FAM118B: variants seen among roughly 807,000 people sequenced by gnomAD.
The protein encoded by FAM118B is protein FAM118B.
FAM118B carries 24 observed loss-of-function variants against 38.5 expected under a neutral mutation model. That is an observed-to-expected ratio of 0.62 (90% confidence interval 0.45 to 0.88). FAM118B has a LOEUF of 0.88. Among genes scored for constraint, FAM118B ranks in the 40% least tolerant of loss-of-function variants. The probability of loss-of-function intolerance (pLI) is 0.00; values close to 1 mark genes in which losing one functional copy is unlikely to be tolerated. For synonymous variants in FAM118B, 138 were observed against 156.3 expected (o/e 0.88, Z 0.87); for missense variants, 334 against 420.0 (o/e 0.80, Z 1.79).
chr11:126,237,703 A>G (rs1453452915), intron 3 of FAM118B, among the ~76,000 whole-genome samples: 2 of 141,852 alleles, frequency 1.4e-5, no homozygotes, highest in Non-Finnish European at 3.1e-5. Flanking sequence ...AAAAAAAAAA[A>G]AAAATTAGCG....
chr11:126,247,814 C>T (rs898372862), intron 4 of FAM118B, among the ~76,000 whole-genome samples: 8 of 148,802 alleles, frequency 5.4e-5, no homozygotes, highest in Middle Eastern at 3.4e-3. Flanking sequence ...GCTGAGACCA[C>T]GCCACTGCAC....
At position 126,246,849 on chromosome 11, in the gene FAM118B, C is replaced by T. The variant is rs982575091; in HGVS notation, c.340-3657C>T. 2.6e-5 allele frequency among the ~76,000 whole-genome samples: 4 copies of T among 152,316 alleles called. No individual in the cohort carries two copies. The South Asian group carries it at 8.3e-4, about 32-fold the overall frequency. Reference sequence around the variant, plus strand: ...TTGTGTGGGAGTTTGGCATTTCCTTCTGACTACTGAGCCTCCCTGTTTATG... The same window carrying T: ...TTGTGTGGGAGTTTGGCATTTCCTTTTGACTACTGAGCCTCCCTGTTTATG... On this transcript the variant is annotated intron_variant, in intron 4 of 8. Transcript: ENST00000533050.
intron 1 of FAM118B, among the ~76,000 whole-genome samples, chr11:126,217,773 G>T (rs536510098): frequency 6.6e-6 from 1 of 152,302 alleles, no homozygotes; most frequent in Admixed American, 6.5e-5. Context: ...TTTCTAAGAA[G>T]TATTTGAATG....
rs182958538 is a variant in FAM118B at position 126,249,939 on chromosome 11, G to T, written c.340-567G>T. On this transcript the variant is annotated intron_variant, in intron 4 of 8. Coordinates refer to ENST00000533050, the MANE Select transcript of FAM118B (RefSeq NM_024556.4). The stretch of plus-strand genomic sequence containing the variant: ...CAGTAAATTCATATCCCTTGGCCAG[G>T]TTTATTTTCTTCATTCTATAAAAAT... Among the ~76,000 whole-genome samples the T allele has an allele frequency of 3.9e-5, 6 of 151,916 alleles. No individual in the cohort carries two copies. In the East Asian group the frequency reaches 1.2e-3, roughly 29 times the overall value.
intron 8 of FAM118B, 73 bp downstream of exon 8, chr11:126,261,557 A>G: frequency 7.7e-7 from 1 of 1,303,718 alleles, no homozygotes; most frequent in Non-Finnish European, 1.1e-6. Context: ...TTAAGAATAT[A>G]GAGAATGTTA....
At chr11:126,245,517 T>G (rs997367406) in intron 4 of FAM118B, among the ~76,000 whole-genome samples, 3 of 151,944 alleles carry the variant, frequency 2.0e-5, no homozygotes, top group Non-Finnish European at 4.4e-5. Flanking sequence ...GGAAGTGCTG[T>G]AATGGTTGTC....
intron 3 of FAM118B, among the ~76,000 whole-genome samples, chr11:126,238,388 C>CT (rs564746760): frequency 5.7e-4 from 87 of 152,184 alleles, no homozygotes; most frequent in East Asian, 3.9e-3. Context: ...GTCCCAGACT[C>CT]TATGTAGAGT....
chr11:126,240,971 A>T lies in FAM118B; in HGVS notation c.266A>T (p.Lys89Met). 6.2e-7 allele frequency: 1 copy of T among 1,614,142 alleles called. No individual in the cohort carries two copies. Among genetic ancestry groups the T allele is most frequent in the Non-Finnish European group, 8.5e-7 (1 of 1,180,008 alleles). ...FDLLEDEESK[K>M]FQKCLHEDKN... ...CTTTTAGAAGATGAGGAGAGCAAAA[A>T]GTTTCAGAAATGTCTCCATGAAGAC... Residue 89 changes from lysine (K) to methionine (M), a missense_variant, in exon 4 of 9, where the codon AAG becomes ATG. By Grantham distance (95) the Lys-to-Met change is moderately conservative (BLOSUM62 -1). Around this residue, in one of 3 missense-constraint regions of FAM118B, gnomAD observed 240 missense variants for 295.9 expected, o/e 0.81. Coordinates refer to ENST00000533050, the MANE Select transcript of FAM118B (RefSeq NM_024556.4).
intron 1 of FAM118B, among the ~76,000 whole-genome samples, chr11:126,215,962 C>T (rs1489647193): frequency 6.6e-6 from 1 of 152,124 alleles, no homozygotes; most frequent in Non-Finnish European, 1.5e-5. Flanking sequence ...TGCAGTGAAC[C>T]ATGATTGCAG....
intron 1 of FAM118B, among the ~76,000 whole-genome samples, chr11:126,222,874 G>T (rs901859484): frequency 1.3e-5 from 2 of 152,168 alleles, no homozygotes; most frequent in African/African-American, 4.8e-5. Flanking sequence ...CACTGTACTC[G>T]CCCTAGAAGG....
chr11:126,252,130 G>A lies in FAM118B; in HGVS notation c.567+1397G>A, dbSNP rs928869927. Among the ~76,000 whole-genome samples, 1 of 151,996 alleles carries A rather than the reference G, an allele frequency of 6.6e-6. No individual in the cohort carries two copies. Among genetic ancestry groups the A allele is most frequent in the Admixed American group, 6.6e-5 (1 of 15,244 alleles). On this transcript the variant is annotated intron_variant, in intron 5 of 8. Transcript: ENST00000533050. The surrounding 1 kb of genome is among the most constrained non-coding windows in gnomAD (Gnocchi z 4.7). ...GCGTCCCGAATAGCTGGGATTACAGGCACCCGCCATCACGTCTGGCTAATT... is the reference window on the plus strand; with the variant it reads ...GCGTCCCGAATAGCTGGGATTACAGACACCCGCCATCACGTCTGGCTAATT...
chr11:126,218,518 C>T (rs1353790909), intron 1 of FAM118B, among the ~76,000 whole-genome samples: 1 of 151,420 alleles, frequency 6.6e-6, no homozygotes, highest in East Asian at 2.0e-4. Flanking sequence ...TCTATGAGGG[C>T]AGGGATTTTG....
Position 126,254,314 on chromosome 11 carries a change from T to C in FAM118B, c.577T>C (p.Trp193Arg). ...DLTDEKKVLE[W>R]AQEKRKLSVL... ...TATGTGTGTTGTGCAGGTCCTCGAG[T>C]GGGCTCAGGAGAAGCGTAAGCTGAG... Residue 193 changes from tryptophan (W) to arginine (R), a missense_variant, in exon 6 of 9, where the codon TGG (tryptophan) becomes CGG (arginine). Physicochemically the swap from Trp to Arg is moderately radical, Grantham distance 101 (BLOSUM62 -3). This residue lies in a region of FAM118B where 240 missense variants were observed against 295.9 expected (regional missense o/e 0.81). Transcript: ENST00000533050. 1 of 1,613,954 alleles carries C rather than the reference T, an allele frequency of 6.2e-7. No homozygotes were observed. The highest frequency in any genetic ancestry group is 1.1e-5 in the South Asian group (1 of 91,076).
At position 126,240,957 on chromosome 11, in the gene FAM118B, TGAG is replaced by T; in HGVS notation, c.256_258del (p.Glu86del). On this transcript the variant is annotated inframe_deletion, in exon 4 of 9. Transcript: ENST00000533050. ...CCATTGATTTTGATCTTTTAGAAGA[TGAG>T]GAGAGCAAAAAGTTTCAGAAATGTC... 12 of 1,614,138 alleles carry T rather than the reference TGAG, an allele frequency of 7.4e-6. No individual in the cohort carries two copies. Among genetic ancestry groups the T allele is most frequent in the Non-Finnish European group, 1.0e-5 (12 of 1,180,020 alleles).
chr11:126,215,696 CAAAA>C (rs56687894), intron 1 of FAM118B, among the ~76,000 whole-genome samples: 1 of 93,920 alleles, frequency 1.1e-5, no homozygotes. Flanking sequence ...GACTCCGTCT[CAAAA>C]AAAAAAAAAA....
chr11:126,246,135 T>A (rs954757446), intron 4 of FAM118B, among the ~76,000 whole-genome samples: 10 of 152,140 alleles, frequency 6.6e-5, no homozygotes, highest in Non-Finnish European at 1.0e-4. Flanking sequence ...ATGATATATT[T>A]AGGGGAAATT....
At chr11:126,237,278 T>C (rs1199227293) in intron 3 of FAM118B, among the ~76,000 whole-genome samples, 1 of 117,998 alleles carries the variant, frequency 8.5e-6, no homozygotes, top group African/African-American at 3.3e-5. Flanking sequence ...TGGAGTGCAA[T>C]GGTGCAATCT....
At position 126,244,751 on chromosome 11, in the gene FAM118B, C is replaced by G. The variant is rs1950400171; in HGVS notation, c.339+3707C>G. 6.6e-6 allele frequency among the ~76,000 whole-genome samples: 1 copy of G among 152,132 alleles called. No homozygotes were observed. The highest frequency in any genetic ancestry group is 2.1e-4 in the South Asian group (1 of 4,832). ...CCTGGGAGCAGAGGTTGCAGCGAGC[C>G]AGGATCCCTCCACTGCACTCCAGCC... On this transcript the variant is annotated intron_variant, in intron 4 of 8. Transcript: ENST00000533050. This position sits in a 1 kb window ranked among gnomAD's most constrained non-coding sequence, Gnocchi z 4.5.
intron 3 of FAM118B, among the ~76,000 whole-genome samples, chr11:126,238,118 T>C (rs1950306121): frequency 1.3e-5 from 2 of 152,088 alleles, no homozygotes; most frequent in Non-Finnish European, 2.9e-5. Context: ...TCCCAGCACT[T>C]TGGGAGGCCA....
Sources: allele counts gnomAD v4.1 joint callset (sites outside exome capture counted in the v4.1 genomes callset), GRCh38; gene constraint gnomAD v4.1.1; regional missense constraint gnomAD v4.1.1; non-coding constraint Gnocchi (gnomAD v3.1); transcripts MANE v1.5; gene names NCBI Gene and HGNC (gene_info 2026-07-23, HGNC 2026-07-21).